BAZ2B: variants seen among roughly 807,000 people sequenced by gnomAD.
BAZ2B encodes the protein bromodomain adjacent to zinc finger domain 2B.
In BAZ2B, 91 loss-of-function variants were observed where a neutral mutation model predicts 246.0. That is an observed-to-expected ratio of 0.37 (90% CI 0.31 to 0.44). The LOEUF is 0.44. Ranked by LOEUF, BAZ2B falls within the 20% of genes least tolerant of loss-of-function variation. The pLI is 1.00. For missense variants in BAZ2B, 2,332 were observed against 2,533.7 expected (o/e 0.92, Z 1.71); for synonymous variants, 855 against 860.0 (o/e 0.99, Z 0.10).
chr2:159,627,301 A>C, the BAZ2B span, among the ~76,000 whole-genome samples: 5 of 151,100 alleles, frequency 3.3e-5, no homozygotes, highest in African/African-American at 1.2e-4. Flanking sequence ...AAAAGAGGGA[A>C]TCCTCCCTCT....
intron 2 of BAZ2B, among the ~76,000 whole-genome samples, chr2:159,486,713 T>C (rs1438408245): frequency 2.6e-5 from 4 of 151,698 alleles, no homozygotes; most frequent in African/African-American, 9.7e-5. Flanking sequence ...CTCAAACACA[T>C]TGGTAAATGT....
intron 1 of BAZ2B, among the ~76,000 whole-genome samples, chr2:159,587,130 G>T (rs1480190564): frequency 6.6e-6 from 1 of 151,254 alleles, no homozygotes; most frequent in Non-Finnish European, 1.5e-5. Context: ...CCAGGCTGGA[G>T]TGCAGTGGCG....
chr2:159,429,372 G>A, intron 10 of BAZ2B, 112 bp from the exon 11 acceptor site: 1 of 575,570 alleles, frequency 1.7e-6, no homozygotes, highest in Non-Finnish European at 2.8e-6. Context: ...TGGATTTAGT[G>A]TATTTCTGTA....
chr2:159,324,623 AATACACACACACACACACACAC>A (rs2063181397), intron 36 of BAZ2B, among the ~76,000 whole-genome samples, 166 bp downstream of exon 36: 1 of 102,476 alleles, frequency 9.8e-6, no homozygotes, highest in African/African-American at 3.8e-5. Flanking sequence ...ACTCTAACCA[AATACACACACACACACACACAC>A]ACACACACAC....
chr2:159,359,714 C>T (rs1399087329), intron 27 of BAZ2B, among the ~76,000 whole-genome samples: 1 of 152,142 alleles, frequency 6.6e-6, no homozygotes, highest in African/African-American at 2.4e-5. Context: ...CAATAAAATA[C>T]TGGCAAACTG....
chr2:159,339,403 C>G (rs1026406094), intron 31 of BAZ2B, among the ~76,000 whole-genome samples: 1 of 152,126 alleles, frequency 6.6e-6, no homozygotes, highest in Non-Finnish European at 1.5e-5. Context: ...CTCATTCTGC[C>G]AGGAACCAAG....
chr2:159,514,875 C>T (rs971339321), intron 2 of BAZ2B, among the ~76,000 whole-genome samples: 5 of 152,032 alleles, frequency 3.3e-5, no homozygotes, highest in African/African-American at 9.7e-5. Flanking sequence ...ATAACTTTTA[C>T]TTTGATAACT....
intron 2 of BAZ2B, among the ~76,000 whole-genome samples, chr2:159,519,463 C>A (rs2083872273): frequency 1.3e-5 from 2 of 149,326 alleles, no homozygotes; most frequent in South Asian, 4.2e-4. Flanking sequence ...ATCTCCTGAC[C>A]TCATGATCCA....
the BAZ2B span, among the ~76,000 whole-genome samples, chr2:159,680,779 CT>C: frequency 2.0e-5 from 3 of 152,160 alleles, no homozygotes; most frequent in African/African-American, 7.2e-5. Context: ...CTGTTACCCC[CT>C]ATTGCAAAAT....
intron 2 of BAZ2B, among the ~76,000 whole-genome samples, chr2:159,535,286 C>CT (rs1280655240): frequency 2.0e-5 from 3 of 152,310 alleles, no homozygotes; most frequent in Non-Finnish European, 4.4e-5. Flanking sequence ...CTGTGGGAGA[C>CT]TGAGGTGGGC....
intron 2 of BAZ2B, among the ~76,000 whole-genome samples, chr2:159,544,489 A>G (rs1182231652): frequency 9.9e-5 from 15 of 152,218 alleles, no homozygotes; most frequent in Non-Finnish European, 1.5e-5. Flanking sequence ...TACAGGGAAT[A>G]TATAAAGAGG....
chr2:159,565,903 T>C (rs765376739), intron 1 of BAZ2B, among the ~76,000 whole-genome samples: 36 of 151,592 alleles, frequency 2.4e-4, no homozygotes, highest in Non-Finnish European at 4.3e-4. Flanking sequence ...ATGGAAACTA[T>C]ACTGAAAATC....
At chr2:159,652,855 C>T in the BAZ2B span, among the ~76,000 whole-genome samples, 1 of 151,688 alleles carries the variant, frequency 6.6e-6, no homozygotes, top group African/African-American at 2.4e-5. Flanking sequence ...TAGGCTCAAG[C>T]AATTCTCCTA....
chr2:159,405,297 C>T (rs557006430), intron 14 of BAZ2B, among the ~76,000 whole-genome samples, 183 bp from the exon 15 acceptor site: 102 of 152,178 alleles, frequency 6.7e-4, no homozygotes, highest in African/African-American at 2.0e-3. Flanking sequence ...CTGCAATCTC[C>T]GCCTCCCAGG....
intron 33 of BAZ2B, among the ~76,000 whole-genome samples, chr2:159,333,586 C>CA (rs1011840191): frequency 2.8e-4 from 42 of 149,788 alleles, no homozygotes; most frequent in African/African-American, 4.6e-4. Context: ...ACTCCAGTCA[C>CA]AAAAAAAAAT....
the BAZ2B span, among the ~76,000 whole-genome samples, chr2:159,685,131 A>C: frequency 1.3e-5 from 2 of 152,338 alleles, no homozygotes; most frequent in Admixed American, 1.3e-4. Context: ...ATTTAATCAT[A>C]GGTCTCTATG....
At chr2:159,448,098 T>C (rs1474747135) in intron 5 of BAZ2B, 144 bp downstream of exon 5, 1 of 920,672 alleles carries the variant, frequency 1.1e-6, no homozygotes, top group African/African-American at 1.7e-5. Context: ...TACTCCAGCC[T>C]GGGCAAAAGA....
intron 1 of BAZ2B, among the ~76,000 whole-genome samples, chr2:159,568,854 AGTT>A (rs1162890700): frequency 6.6e-6 from 1 of 152,210 alleles, no homozygotes; most frequent in Non-Finnish European, 1.5e-5. Context: ...GGTCATGAAA[AGTT>A]GTCAAACTTA....
the BAZ2B span, among the ~76,000 whole-genome samples, chr2:159,688,143 A>G: frequency 6.6e-6 from 1 of 152,256 alleles, no homozygotes; most frequent in East Asian, 1.9e-4. Flanking sequence ...TGACTCAAGC[A>G]ATCCTCCTGC....
Sources: gnomAD v4.1 joint callset for allele counts (sites outside exome capture counted in the v4.1 genomes callset) on GRCh38, gnomAD v4.1.1 for gene constraint, MANE v1.5 for transcripts, NCBI Gene and HGNC (gene_info 2026-07-23, HGNC 2026-07-21) for gene names.